CAMK2D: variants seen among roughly 807,000 people sequenced by gnomAD.
CAMK2D encodes calcium/calmodulin dependent protein kinase II delta, also known as calcium/calmodulin-dependent protein kinase type II subunit delta.
A neutral mutation model predicts 84.0 loss-of-function variants in CAMK2D; 37 were observed. The observed-to-expected ratio is 0.44, with a 90% CI of 0.34 to 0.58. The LOEUF is 0.58. Among genes scored for constraint, CAMK2D ranks in the 20% least tolerant of loss-of-function variants. The pLI is 0.02. For missense variants in CAMK2D, 448 were observed against 652.5 expected (o/e 0.69, Z 3.41); for synonymous variants, 202 against 212.5 (o/e 0.95, Z 0.43).
intron 3 of CAMK2D, among the ~76,000 whole-genome samples, chr4:113,646,992 C>T (rs1158168173): frequency 6.6e-6 from 1 of 152,198 alleles, no homozygotes; most frequent in Non-Finnish European, 1.5e-5. Flanking sequence ...TACCGAAAAA[C>T]CTCATGATAG....
intron 3 of CAMK2D, among the ~76,000 whole-genome samples, chr4:113,633,061 A>C (rs2099096574): frequency 6.6e-6 from 1 of 152,230 alleles, no homozygotes; most frequent in Non-Finnish European, 1.5e-5. Context: ...TAAAGCTATA[A>C]AGTAAATTCT....
intron 16 of CAMK2D, among the ~76,000 whole-genome samples, chr4:113,471,791 C>T (rs2097549403): frequency 6.6e-6 from 1 of 151,786 alleles, no homozygotes; most frequent in African/African-American, 2.4e-5. Context: ...TGCCATTGTC[C>T]CCCACCCCTT....
intron 3 of CAMK2D, among the ~76,000 whole-genome samples, chr4:113,641,530 TAGACCTGTTACGAAAGTGATAAAG>T (rs1319858474): frequency 6.6e-6 from 1 of 152,224 alleles, no homozygotes; most frequent in Non-Finnish European, 1.5e-5. Context: ...TTTCATTCTC[TAGACCTGTTACGAAAGTGATAAAG>T]AGGACAGGGA....
chr4:113,726,251 A>G (rs565705963), intron 2 of CAMK2D, among the ~76,000 whole-genome samples: 1 of 152,198 alleles, frequency 6.6e-6, no homozygotes, highest in South Asian at 2.1e-4. Context: ...TCAAGTCCCA[A>G]AAGCTTTTAC....
chr4:113,630,850 TTGACTTC>T (rs2099086832), intron 3 of CAMK2D, among the ~76,000 whole-genome samples: 2 of 152,144 alleles, frequency 1.3e-5, no homozygotes, highest in Admixed American at 1.3e-4. Context: ...GACTAGAAAT[TTGACTTC>T]TGACTTCTAA....
At chr4:113,693,760 T>A (rs1370378342) in intron 2 of CAMK2D, among the ~76,000 whole-genome samples, 1 of 152,148 alleles carries the variant, frequency 6.6e-6, no homozygotes, top group Non-Finnish European at 1.5e-5. Flanking sequence ...TTACTATCAA[T>A]AAAAATGCTT....
chr4:113,603,799 A>ATATT (rs2098965720), intron 4 of CAMK2D, among the ~76,000 whole-genome samples: 1 of 131,444 alleles, frequency 7.6e-6, no homozygotes. Flanking sequence ...ATATATATAT[A>ATATT]TATTTAAAAC....
intron 6 of CAMK2D, among the ~76,000 whole-genome samples, chr4:113,540,890 T>C (rs1285231269): frequency 6.6e-6 from 1 of 152,164 alleles, no homozygotes; most frequent in Non-Finnish European, 1.5e-5. Context: ...CCTTTCTAGG[T>C]TGGTTTTTAA....
At chr4:113,752,931 T>C (rs2099620648) in intron 2 of CAMK2D, among the ~76,000 whole-genome samples, 1 of 152,078 alleles carries the variant, frequency 6.6e-6, no homozygotes, top group Non-Finnish European at 1.5e-5. Context: ...GAAGATAAAA[T>C]GTAAGGCATA....
At chr4:113,601,962 C>T (rs1369257062) in intron 4 of CAMK2D, among the ~76,000 whole-genome samples, 1 of 152,054 alleles carries the variant, frequency 6.6e-6, no homozygotes, top group African/African-American at 2.4e-5. Context: ...TCCCAAAGCA[C>T]TTGTGATTAG....
At chr4:113,503,636 C>G (rs1327519780) in intron 14 of CAMK2D, among the ~76,000 whole-genome samples, 1 of 152,148 alleles carries the variant, frequency 6.6e-6, no homozygotes, top group African/African-American at 2.4e-5. Context: ...TTGAGGCATA[C>G]TGCTATTAAA....
intron 2 of CAMK2D, among the ~76,000 whole-genome samples, chr4:113,666,899 C>T (rs1426288890): frequency 6.6e-6 from 1 of 152,134 alleles, no homozygotes; most frequent in Non-Finnish European, 1.5e-5. Context: ...TTAGTCCTGA[C>T]CTTTCCTGGC....
At chr4:113,628,880 A>G (rs567511438) in intron 3 of CAMK2D, among the ~76,000 whole-genome samples, 7 of 152,198 alleles carry the variant, frequency 4.6e-5, no homozygotes, top group African/African-American at 1.7e-4. Flanking sequence ...CAATCTGTGA[A>G]CAAGAAAAAG....
chr4:113,540,258 G>A (rs2098521277), intron 6 of CAMK2D, among the ~76,000 whole-genome samples: 1 of 152,140 alleles, frequency 6.6e-6, no homozygotes. Flanking sequence ...CAGAAAGGAA[G>A]ATAATTTGCA....
chr4:113,613,851 CA>C (rs1163432132), intron 3 of CAMK2D, among the ~76,000 whole-genome samples: 1 of 151,560 alleles, frequency 6.6e-6, no homozygotes, highest in Non-Finnish European at 1.5e-5. Flanking sequence ...ATTATGATAA[CA>C]TGGACAAAAA....
chr4:113,702,873 T>A (rs1409540216), intron 2 of CAMK2D, among the ~76,000 whole-genome samples: 6 of 152,172 alleles, frequency 3.9e-5, no homozygotes, highest in Non-Finnish European at 8.8e-5. Context: ...AATACCATCC[T>A]GGGTGACAGA....
intron 2 of CAMK2D, among the ~76,000 whole-genome samples, chr4:113,668,598 A>T (rs1297930930): frequency 6.6e-6 from 1 of 152,214 alleles, no homozygotes; most frequent in African/African-American, 2.4e-5. Context: ...TTTTACATGT[A>T]TCCTATTATA....
intron 16 of CAMK2D, among the ~76,000 whole-genome samples, chr4:113,481,828 A>G (rs536742292): frequency 6.6e-6 from 1 of 152,360 alleles, no homozygotes; most frequent in South Asian, 2.1e-4. Flanking sequence ...CAGAGAGGGT[A>G]ACTTTTGATA....
At chr4:113,647,225 A>T (rs1411010413) in intron 3 of CAMK2D, among the ~76,000 whole-genome samples, 1 of 152,256 alleles carries the variant, frequency 6.6e-6, no homozygotes, top group Non-Finnish European at 1.5e-5. Context: ...GAATAGATTT[A>T]TAAGGATTGT....
Sources: gnomAD v4.1 joint callset for allele counts (sites outside exome capture counted in the v4.1 genomes callset) on GRCh38, gnomAD v4.1.1 for gene constraint, MANE v1.5 for transcripts, NCBI Gene and HGNC (gene_info 2026-07-23, HGNC 2026-07-21) for gene names.